The following HVCN1 variants were observed in gnomAD, a reference collection of about 807,000 sequenced individuals.
The protein encoded by HVCN1 is voltage-gated hydrogen channel 1.
In HVCN1, 14 loss-of-function variants were observed where a neutral mutation model predicts 29.2. That is an observed-to-expected ratio of 0.48 (90% CI 0.32 to 0.75). The LOEUF (loss-of-function observed/expected upper bound fraction) is 0.75, where lower values mean the gene tolerates loss of function less well. Ranked by LOEUF, HVCN1 falls within the 30% of genes least tolerant of loss-of-function variation. HVCN1 has a pLI of 0.04. For synonymous variants in HVCN1, 131 were observed against 133.2 expected (o/e 0.98, Z 0.11); for missense variants, 263 against 341.8 (o/e 0.77, Z 1.82).
intron 3 of HVCN1, among the ~76,000 whole-genome samples, chr12:110,667,603 G>T (rs993003440): frequency 6.6e-6 from 1 of 151,270 alleles, no homozygotes; most frequent in African/African-American, 2.4e-5. Flanking sequence ...CTAATTTTTT[G>T]TATTTTTTTG....
Position 110,661,482 on chromosome 12 carries a change from G to A in HVCN1, c.22-34C>T. The A allele has an allele frequency of 6.2e-7, 1 of 1,601,816 alleles. No homozygotes were observed. The highest frequency in any genetic ancestry group is 8.5e-7 in the Non-Finnish European group (1 of 1,172,514). Reference sequence around the variant, plus strand: ...CGGGGACAGAGAGCAAGAGCTTCAGGCAGTTGGCCACTCAGAGCCCACATG... The same window carrying A: ...CGGGGACAGAGAGCAAGAGCTTCAGACAGTTGGCCACTCAGAGCCCACATG... On this transcript the variant is annotated intron_variant, in intron 3 of 7. Coordinates refer to ENST00000242607, the MANE Select transcript of HVCN1 (RefSeq NM_032369.4). This position sits in a 1 kb window ranked among gnomAD's most constrained non-coding sequence, Gnocchi z 6.2.
chr12:110,688,303 C>T (rs2069275263), intron 2 of HVCN1: 1 of 152,282 alleles, frequency 6.6e-6, no homozygotes, highest in Non-Finnish European at 1.5e-5. Flanking sequence ...TCCCCCACAC[C>T]CAGCACTGGT....
At chr12:110,697,204 AT>A (rs1006289631) in intron 2 of HVCN1, among the ~76,000 whole-genome samples, 1 of 152,056 alleles carries the variant, frequency 6.6e-6, no homozygotes, top group Non-Finnish European at 1.5e-5. Flanking sequence ...TGAGTCAGGA[AT>A]TTGGCAGAGA....
In HVCN1 at chr12:110,655,112, C is replaced by G. The variant is rs1243351647; in HGVS notation, c.411+122G>C. The G allele has an allele frequency of 1.2e-5, 8 of 651,968 alleles. No individual in the cohort carries two copies. In the African/African-American group the frequency reaches 1.4e-4, roughly 12 times the overall value. The allele number at this position is 651,968 out of a possible 1,614,324, so 40.4% of individuals were successfully genotyped here. On this transcript the variant is annotated intron_variant, in intron 5 of 7. Coordinates refer to ENST00000242607, the MANE Select transcript of HVCN1 (RefSeq NM_032369.4). The stretch of plus-strand genomic sequence containing the variant: ...TGGAAAGGAAGACGAAAACACCTAT[C>G]AAACTACCACAGACCTTGCTACTCC...
At chr12:110,696,084 C>T (rs2069485226) in intron 2 of HVCN1, among the ~76,000 whole-genome samples, 1 of 151,532 alleles carries the variant, frequency 6.6e-6, no homozygotes, top group Non-Finnish European at 1.5e-5. Flanking sequence ...TCCTGAGTAG[C>T]TGGGATTACA....
At chr12:110,651,124 G>A in intron 6 of HVCN1, 93 bp downstream of exon 6, 1 of 889,776 alleles carries the variant, frequency 1.1e-6, no homozygotes. Flanking sequence ...GCCACTGTGA[G>A]CTCAGGCACC....
chr12:110,694,262 A>C (rs2069456057), upstream of HVCN1, among the ~76,000 whole-genome samples: 1 of 152,128 alleles, frequency 6.6e-6, no homozygotes, highest in African/African-American at 2.4e-5. The surrounding 1 kb of genome is among the most constrained non-coding windows in gnomAD (Gnocchi z 4.6). Context: ...GGGTCTCACT[A>C]TGTTGCCTAG....
intron 1 of HVCN1, among the ~76,000 whole-genome samples, chr12:110,703,516 C>T (rs897055900): frequency 2.6e-5 from 4 of 152,038 alleles, no homozygotes; most frequent in African/African-American, 7.2e-5. Flanking sequence ...GGGCGAGTGC[C>T]GTGGAGATGA....
chr12:110,649,394 G>A lies in HVCN1; in HGVS notation c.*16C>T, dbSNP rs1329968139. The A allele has an allele frequency of 1.2e-6, 2 of 1,600,702 alleles. No homozygotes were observed. Among genetic ancestry groups the A allele is most frequent in the Admixed American group, 1.7e-5 (1 of 59,584 alleles). ...CATGAGACAGTGTCTTCTTTTTGAGGGGAGCTGGTCCGGGTCTAGTTCACT... is the reference window on the plus strand; with the variant it reads ...CATGAGACAGTGTCTTCTTTTTGAGAGGAGCTGGTCCGGGTCTAGTTCACT... On this transcript the variant is annotated 3_prime_UTR_variant, in exon 8 of 8. Transcript: ENST00000242607.
At chr12:110,693,582 T>C (rs188913563), upstream of HVCN1, among the ~76,000 whole-genome samples, 35 of 152,178 alleles carry the variant, frequency 2.3e-4, no homozygotes, top group Middle Eastern at 3.4e-3. Context: ...CCCACTAACT[T>C]TGTCATCAGT....
intron 2 of HVCN1, among the ~76,000 whole-genome samples, chr12:110,686,296 G>A (rs753506499): frequency 1.3e-5 from 2 of 152,146 alleles, no homozygotes; most frequent in Non-Finnish European, 2.9e-5. Context: ...GAGCCACCGT[G>A]CCTGGCCTAA....
At chr12:110,701,106 A>T (rs988015614) in intron 2 of HVCN1, among the ~76,000 whole-genome samples, 3 of 152,200 alleles carry the variant, frequency 2.0e-5, no homozygotes, top group African/African-American at 7.2e-5. Flanking sequence ...GGTCTCACTG[A>T]GGCCTTGTAT....
intron 3 of HVCN1, among the ~76,000 whole-genome samples, chr12:110,672,023 G>C (rs2068591581): frequency 6.6e-6 from 1 of 152,306 alleles, no homozygotes; most frequent in South Asian, 2.1e-4. Flanking sequence ...TTCTTCCTAG[G>C]AGGGTAACAG....
Position 110,661,484 on chromosome 12 carries a change from A to C in HVCN1, c.22-36T>G. The C allele has an allele frequency of 6.2e-7, 1 of 1,600,784 alleles. No homozygotes were observed. Among genetic ancestry groups the C allele is most frequent in the Non-Finnish European group, 8.5e-7 (1 of 1,171,890 alleles). On this transcript the variant is annotated intron_variant, in intron 3 of 7. Coordinates refer to ENST00000242607, the MANE Select transcript of HVCN1 (RefSeq NM_032369.4). This position sits in a 1 kb window ranked among gnomAD's most constrained non-coding sequence, Gnocchi z 6.2. ...GGGACAGAGAGCAAGAGCTTCAGGC[A>C]GTTGGCCACTCAGAGCCCACATGGC... is the stretch of plus-strand genomic sequence containing the variant.
intron 3 of HVCN1, among the ~76,000 whole-genome samples, chr12:110,679,716 G>A (rs1224402509): frequency 5.9e-5 from 9 of 152,138 alleles, no homozygotes; most frequent in Admixed American, 2.6e-4. Context: ...AGCTGGGCGC[G>A]GTGGCGGGCG....
intron 2 of HVCN1, among the ~76,000 whole-genome samples, chr12:110,687,025 G>A (rs962869768): frequency 6.6e-6 from 1 of 152,206 alleles, no homozygotes; most frequent in African/African-American, 2.4e-5. Flanking sequence ...AGTCTATGTA[G>A]AAACGGGAGA....
At chr12:110,698,997 G>A (rs1418325358) in intron 2 of HVCN1, among the ~76,000 whole-genome samples, 1 of 152,206 alleles carries the variant, frequency 6.6e-6, no homozygotes. Context: ...GCATGGTGGT[G>A]TGCATCTGTA....
chr12:110,658,054 G>T lies in HVCN1; in HGVS notation c.307-2716C>A, dbSNP rs12301319. Among the ~76,000 whole-genome samples the T allele has an allele frequency of 6.6e-6, 1 of 152,144 alleles. No individual in the cohort carries two copies. Among genetic ancestry groups the T allele is most frequent in the Non-Finnish European group, 1.5e-5 (1 of 68,036 alleles). Reference sequence around the variant, plus strand: ...GAAGTATGAAGGGCGCTTAGCACACGGCTGGCCTGCGGTGCATGGGAATGA... The same window carrying T: ...GAAGTATGAAGGGCGCTTAGCACACTGCTGGCCTGCGGTGCATGGGAATGA... On this transcript the variant is annotated intron_variant, in intron 4 of 7. Transcript: ENST00000242607. This position sits in a 1 kb window ranked among gnomAD's most constrained non-coding sequence, Gnocchi z 5.0.
chr12:110,672,233 C>T (rs897392990), intron 3 of HVCN1, among the ~76,000 whole-genome samples: 2 of 152,136 alleles, frequency 1.3e-5, no homozygotes, highest in African/African-American at 4.8e-5. Context: ...CCTCAGCCTC[C>T]CAAGTAGCTA....
Sources: allele counts gnomAD v4.1 joint callset (sites outside exome capture counted in the v4.1 genomes callset), GRCh38; gene constraint gnomAD v4.1.1; non-coding constraint Gnocchi (gnomAD v3.1); transcripts MANE v1.5; gene names NCBI Gene and HGNC (gene_info 2026-07-23, HGNC 2026-07-21).